ZBTB38: variants seen among roughly 807,000 people sequenced by gnomAD.
ZBTB38 encodes zinc finger and BTB domain-containing protein 38.
A neutral mutation model predicts 76.8 loss-of-function variants in ZBTB38; 20 were observed. That is an observed-to-expected ratio of 0.26 (90% CI 0.18 to 0.38). ZBTB38 has a LOEUF of 0.38. Ranked by LOEUF, ZBTB38 falls within the 10% of genes least tolerant of loss-of-function variation. ZBTB38 has a pLI of 1.00. For synonymous variants in ZBTB38, 504 were observed against 544.2 expected (o/e 0.93, Z 1.03); for missense variants, 1,082 against 1,482.3 (o/e 0.73, Z 4.43).
At chr3:141,340,954 G>GAAAAGAAAAGAAAAGA (rs375341315) in intron 1 of ZBTB38, among the ~76,000 whole-genome samples, 75 of 53,444 alleles carry the variant, frequency 1.4e-3, no homozygotes, top group Middle Eastern at 6.7e-3. Flanking sequence ...AAGAAGGAAA[G>GAAAAGAAAAGAAAAGA]AAAGAAAGAA....
At chr3:141,361,833 A>T (rs944279295) in intron 1 of ZBTB38, among the ~76,000 whole-genome samples, 1 of 152,204 alleles carries the variant, frequency 6.6e-6, no homozygotes, top group Non-Finnish European at 1.5e-5. Flanking sequence ...AAAAGTGGAC[A>T]GATCACTAAG....
chr3:141,359,795 G>A (rs748961370), intron 1 of ZBTB38, among the ~76,000 whole-genome samples: 2 of 151,842 alleles, frequency 1.3e-5, no homozygotes, highest in Non-Finnish European at 2.9e-5. Flanking sequence ...GCCAGGCATG[G>A]TGGTCCATGC....
chr3:141,332,348 C>T (rs149465850), intron 1 of ZBTB38, among the ~76,000 whole-genome samples: 77 of 152,272 alleles, frequency 5.1e-4, no homozygotes, highest in African/African-American at 1.7e-3. Flanking sequence ...TGTGTCTTGT[C>T]TACACACCCC....
At chr3:141,327,204 C>G (rs1033977144) in intron 1 of ZBTB38, among the ~76,000 whole-genome samples, 3 of 152,186 alleles carry the variant, frequency 2.0e-5, no homozygotes, top group Non-Finnish European at 2.9e-5. Flanking sequence ...CTGACTGCCT[C>G]TTTCCTCAAG....
In ZBTB38 at chr3:141,386,609, C is replaced by T. The variant is rs184780948; in HGVS notation, c.-171-263C>T. On this transcript the variant is annotated intron_variant, in intron 3 of 5. Coordinates refer to ENST00000321464, the MANE Select transcript of ZBTB38 (RefSeq NM_001376113.1). ...AAATTAACATCTATAAAATGCATCC[C>T]GGACCAGATACATACTGTATTGAAA... is the stretch of plus-strand genomic sequence containing the variant. 7.9e-5 allele frequency: 12 copies of T among 152,410 alleles called. No homozygotes were observed. The East Asian group carries it at 1.5e-3, about 20-fold the overall frequency. 9.4% of individuals were successfully genotyped at this position (152,410 alleles called of 1,614,324 possible). A position where few individuals can be genotyped will look rare whatever the true frequency, so the allele number is the denominator to read the frequency against.
chr3:141,403,758 C>T (rs1423077458), intron 4 of ZBTB38, among the ~76,000 whole-genome samples, 169 bp from the exon 5 acceptor site: 3 of 152,202 alleles, frequency 2.0e-5, no homozygotes, highest in Non-Finnish European at 4.4e-5. Flanking sequence ...GGGGAATGTT[C>T]CCTACATCTG....
intron 5 of ZBTB38, among the ~76,000 whole-genome samples, chr3:141,410,298 G>A (rs184191377): frequency 1.7e-4 from 26 of 152,288 alleles, no homozygotes; most frequent in Admixed American, 1.6e-3. Context: ...ACTTTTGAGG[G>A]AATGAAGACT....
chr3:141,368,334 C>G (rs1944059766), upstream of ZBTB38: 1 of 152,622 alleles, frequency 6.6e-6, no homozygotes, highest in African/African-American at 2.4e-5. Flanking sequence ...TCCTGGCCTG[C>G]TGGTCTGTGC....
chr3:141,349,882 C>T (rs1943471209), intron 1 of ZBTB38, among the ~76,000 whole-genome samples: 1 of 151,966 alleles, frequency 6.6e-6, no homozygotes, highest in African/African-American at 2.4e-5. Flanking sequence ...CATAAAAGAA[C>T]AGGATGCAAT....
At chr3:141,384,349 G>A (rs1946634451) in intron 3 of ZBTB38, among the ~76,000 whole-genome samples, 1 of 152,222 alleles carries the variant, frequency 6.6e-6, no homozygotes, top group Non-Finnish European at 1.5e-5. Context: ...GATTACTGTT[G>A]TTGTCACTGT....
intron 5 of ZBTB38, among the ~76,000 whole-genome samples, chr3:141,404,955 G>A (rs917419142): frequency 2.6e-5 from 4 of 152,168 alleles, no homozygotes; most frequent in Non-Finnish European, 4.4e-5. Flanking sequence ...GGGGTCCATC[G>A]CAGGGACAGA....
At chr3:141,350,899 A>T (rs903664762) in intron 1 of ZBTB38, among the ~76,000 whole-genome samples, 1 of 152,218 alleles carries the variant, frequency 6.6e-6, no homozygotes, top group Non-Finnish European at 1.5e-5. Context: ...ATATAAGCAT[A>T]TTGCTTAAAG....
chr3:141,340,927 A>AAAGAAAAGAAAAG (rs1553760058), intron 1 of ZBTB38, among the ~76,000 whole-genome samples: 8 of 102,116 alleles, frequency 7.8e-5, no homozygotes, highest in African/African-American at 2.6e-4. Context: ...AAGGAAAGGA[A>AAAGAAAAGAAAAG]AAAAGAAAAG....
In ZBTB38 at chr3:141,392,301, GCAA is replaced by G. The variant is rs149748283; in HGVS notation, c.-106+5368_-106+5370del. Among the ~76,000 whole-genome samples the G allele has an allele frequency of 4.8e-3, 734 of 152,270 alleles. 8 individuals carry two copies. Among genetic ancestry groups the G allele is most frequent in the African/African-American group, 0.017 (702 of 41,542 alleles). ...CTGCCCATTAGTGGGGAAGGGGACT[GCAA>G]CAATTCAGTTTACTTCTTTGAGCAT... On this transcript the variant is annotated intron_variant, in intron 4 of 5. Coordinates refer to ENST00000321464, the MANE Select transcript of ZBTB38 (RefSeq NM_001376113.1).
chr3:141,342,176 T>C (rs1474297413), intron 1 of ZBTB38, among the ~76,000 whole-genome samples: 2 of 151,894 alleles, frequency 1.3e-5, no homozygotes, highest in Non-Finnish European at 2.9e-5. Context: ...AATACAAAAA[T>C]TGGCCAGGCG....
intron 1 of ZBTB38, among the ~76,000 whole-genome samples, chr3:141,328,847 A>C (rs1171044463): frequency 6.6e-6 from 1 of 151,754 alleles, no homozygotes; most frequent in Non-Finnish European, 1.5e-5. Flanking sequence ...GCTCCCACCA[A>C]ACTACTGGGG....
intron 5 of ZBTB38, among the ~76,000 whole-genome samples, chr3:141,437,014 C>G (rs1311779710): frequency 6.6e-6 from 1 of 152,160 alleles, no homozygotes; most frequent in Non-Finnish European, 1.5e-5. Context: ...TTTCTGAGAT[C>G]ATCCAATGAG....
intron 2 of ZBTB38, among the ~76,000 whole-genome samples, chr3:141,379,576 G>A (rs537645364): frequency 4.6e-5 from 7 of 152,336 alleles, no homozygotes; most frequent in South Asian, 2.1e-4. Flanking sequence ...AACCAGGATC[G>A]TGTGCTAGAA....
At position 141,449,701 on chromosome 3, in the gene ZBTB38, T is replaced by C. The variant is rs950893277; in HGVS notation, c.*3725T>C. 6.6e-6 allele frequency: 1 copy of C among 152,206 alleles called. No homozygotes were observed. Among genetic ancestry groups the C allele is most frequent in the East Asian group, 1.9e-4 (1 of 5,200 alleles). The allele number at this position is 152,206 out of a possible 1,614,324, so 9.4% of individuals were successfully genotyped here. ...TTCACCAAAAATTTGATAACTGTTA[T>C]CTGCTAAAACTAACTTCATTATGTA... On this transcript the variant is annotated 3_prime_UTR_variant, in exon 6 of 6. Coordinates refer to ENST00000321464, the MANE Select transcript of ZBTB38 (RefSeq NM_001376113.1).
Sources: allele counts gnomAD v4.1 joint callset (sites outside exome capture counted in the v4.1 genomes callset), GRCh38; gene constraint gnomAD v4.1.1; transcripts MANE v1.5; gene names NCBI Gene and HGNC (gene_info 2026-07-23, HGNC 2026-07-21).